The following EIF4G3 variants were observed in gnomAD, a reference collection of about 807,000 sequenced individuals.
EIF4G3 encodes the protein eIF-4-gamma 3.
In EIF4G3, 34 loss-of-function variants were observed where a neutral mutation model predicts 186.4. The ratio of observed to expected loss-of-function variants is 0.18; its 90% CI spans 0.14 to 0.24. The LOEUF (loss-of-function observed/expected upper bound fraction) is 0.24, where lower values mean the gene tolerates loss of function less well. Among genes scored for constraint, EIF4G3 ranks in the 10% least tolerant of loss-of-function variants. The pLI is 1.00. For missense variants in EIF4G3, 1,536 were observed against 1,948.5 expected, an observed-to-expected ratio of 0.79 and a Z score of 3.99; for synonymous variants, 673 against 679.5, an observed-to-expected ratio of 0.99 and a Z score of 0.15.
chr1:20,962,717 A>C (rs2073632871), intron 12 of EIF4G3, among the ~76,000 whole-genome samples: 1 of 152,170 alleles, frequency 6.6e-6, no homozygotes, highest in Admixed American at 6.5e-5. Context: ...TTTTACTATG[A>C]GGCACAATTT....
At chr1:20,868,795 A>T (rs2154552736) in intron 20 of EIF4G3, among the ~76,000 whole-genome samples, 1 of 152,314 alleles carries the variant, frequency 6.6e-6, no homozygotes, top group African/African-American at 2.4e-5. Flanking sequence ...AGGCTGCTTG[A>T]TAAGCTGAAT....
At chr1:20,988,726 T>G (rs773006500) in intron 7 of EIF4G3, among the ~76,000 whole-genome samples, 116 of 152,156 alleles carry the variant, frequency 7.6e-4, no homozygotes, top group Non-Finnish European at 8.8e-4. Flanking sequence ...GTTGCTTTCA[T>G]GCCTGCTAAC....
chr1:21,011,208 T>A (rs74058806), intron 4 of EIF4G3, among the ~76,000 whole-genome samples: 14,380 of 133,774 alleles, frequency 0.11, 991 homozygotes, highest in East Asian at 0.26. Flanking sequence ...AAACTTTTTT[T>A]TAAAAAAAAA....
chr1:21,101,312 A>T (rs1480931356), intron 2 of EIF4G3, among the ~76,000 whole-genome samples: 1 of 152,056 alleles, frequency 6.6e-6, no homozygotes, highest in Non-Finnish European at 1.5e-5. Flanking sequence ...TCACGCCAGT[A>T]AACTCGGCAC....
chr1:20,999,365 C>A, intron 6 of EIF4G3: 1 of 395,596 alleles, frequency 2.5e-6, no homozygotes, highest in Non-Finnish European at 5.1e-6. Flanking sequence ...CTACTATGGA[C>A]AAGAACAGGC....
intron 3 of EIF4G3, among the ~76,000 whole-genome samples, chr1:21,056,599 C>CA (rs1220782150): frequency 6.6e-6 from 1 of 152,158 alleles, no homozygotes; most frequent in Non-Finnish European, 1.5e-5. Flanking sequence ...ATACCTCTTG[C>CA]AAAATATTCC....
chr1:21,089,078 T>TA, intron 3 of EIF4G3, 60 bp downstream of exon 3: 1 of 695,028 alleles, frequency 1.4e-6, no homozygotes, highest in Non-Finnish European at 2.7e-6. Flanking sequence ...TGCCTATAAT[T>TA]AATACCAAGG....
At chr1:20,902,370 A>G (rs561279083) in intron 15 of EIF4G3, among the ~76,000 whole-genome samples, 1 of 152,256 alleles carries the variant, frequency 6.6e-6, no homozygotes, top group South Asian at 2.1e-4. Flanking sequence ...CCTCTAGACT[A>G]TAATTTTGAT....
chr1:20,833,765 A>G (rs2065954520), intron 30 of EIF4G3, among the ~76,000 whole-genome samples: 1 of 152,184 alleles, frequency 6.6e-6, no homozygotes, highest in Admixed American at 6.5e-5. Context: ...TTCATGCTAA[A>G]AACTCTCAAT....
At chr1:20,927,668 TAC>T (rs2095011314) in intron 14 of EIF4G3, among the ~76,000 whole-genome samples, 2 of 152,016 alleles carry the variant, frequency 1.3e-5, no homozygotes, top group African/African-American at 4.8e-5. Context: ...AAGGAAGAGT[TAC>T]AGAGGGTGGC....
rs533170994 is a variant in EIF4G3, at chr1:20,855,074, G to A, written c.3340-3C>T. On this transcript the variant is annotated splice_region_variant and splice_polypyrimidine_tract_variant and intron_variant, in intron 25 of 36. Coordinates refer to ENST00000602326, the MANE Select transcript of EIF4G3 (RefSeq NM_001391906.1). ...TGAATTTTTTCATCAATTGTAGGCTGTAACATAAGGGACCACAAGTCAATT... is the reference window on the plus strand; with the variant it reads ...TGAATTTTTTCATCAATTGTAGGCTATAACATAAGGGACCACAAGTCAATT... 1.5e-5 allele frequency: 24 copies of A among 1,595,988 alleles called. No individual in the cohort carries two copies. In the African/African-American group the frequency reaches 2.2e-4, roughly 14 times the overall value.
chr1:20,869,774 C>CAA (rs35907806), intron 20 of EIF4G3, among the ~76,000 whole-genome samples: 318 of 46,636 alleles, frequency 6.8e-3, no homozygotes, highest in Non-Finnish European at 8.3e-3. Context: ...GACTACGTCT[C>CAA]AAAAAAAAAA....
intron 29 of EIF4G3, among the ~76,000 whole-genome samples, chr1:20,846,587 A>G (rs984679252): frequency 6.6e-6 from 1 of 152,190 alleles, no homozygotes; most frequent in African/African-American, 2.4e-5. Flanking sequence ...TTTACTACCT[A>G]TCTTTAGGGC....
intron 12 of EIF4G3, among the ~76,000 whole-genome samples, chr1:20,968,432 C>T (rs897151880): frequency 6.6e-6 from 1 of 152,164 alleles, no homozygotes; most frequent in African/African-American, 2.4e-5. Context: ...TGGCCCACCT[C>T]AGCCTCCCAA....
chr1:21,076,875 G>A (rs1038121239), intron 3 of EIF4G3, among the ~76,000 whole-genome samples: 3 of 151,996 alleles, frequency 2.0e-5, no homozygotes, highest in African/African-American at 7.2e-5. Context: ...TCAGAACATT[G>A]GTCTGAAAAA....
chr1:21,128,004 A>G (rs2097080895), intron 2 of EIF4G3, among the ~76,000 whole-genome samples: 1 of 152,048 alleles, frequency 6.6e-6, no homozygotes, highest in Non-Finnish European at 1.5e-5. Context: ...GGAGATCGAG[A>G]CCATCCTGGC....
At chr1:20,845,535 G>A (rs1291874785) in intron 29 of EIF4G3, among the ~76,000 whole-genome samples, 1 of 151,976 alleles carries the variant, frequency 6.6e-6, no homozygotes, top group East Asian at 1.9e-4. Context: ...GGTGGCGGGC[G>A]CCTGTAGTCT....
intron 6 of EIF4G3, among the ~76,000 whole-genome samples, chr1:21,000,673 G>A (rs1046960523): frequency 3.3e-5 from 5 of 151,966 alleles, no homozygotes; most frequent in African/African-American, 1.2e-4. Context: ...AGAAGCAAGA[G>A]TAGTCTGGGG....
chr1:20,841,214 G>T, intron 29 of EIF4G3, 186 bp from the exon 30 acceptor site: 1 of 491,660 alleles, frequency 2.0e-6, no homozygotes, highest in Non-Finnish European at 3.4e-6. Flanking sequence ...GGCTGATATG[G>T]GCAATATTAA....
Sources: allele counts gnomAD v4.1 joint callset (sites outside exome capture counted in the v4.1 genomes callset), GRCh38; gene constraint gnomAD v4.1.1; transcripts MANE v1.5; gene names NCBI Gene and HGNC (gene_info 2026-07-23, HGNC 2026-07-21).